The following LEPROT variants were observed in gnomAD, a reference collection of about 807,000 sequenced individuals.
The protein encoded by LEPROT is leptin receptor overlapping transcript.
Under a neutral mutation model 15.4 loss-of-function variants are expected in LEPROT, and 3 were observed. The ratio of observed to expected loss-of-function variants is 0.19; its 90% CI spans 0.09 to 0.50. The LOEUF is 0.50. LEPROT is among the 20% of genes least tolerant of loss of function. LEPROT has a pLI of 0.97. For missense variants in LEPROT, 137 were observed against 162.2 expected, an observed-to-expected ratio of 0.84 and a Z score of 0.84; for synonymous variants, 59 against 57.5, an observed-to-expected ratio of 1.03 and a Z score of -0.12.
At position 65,434,023 on chromosome 1, in the gene LEPROT, C is replaced by T. The variant is rs1646524134; in HGVS notation, c.*2104C>T. On this transcript the variant is annotated 3_prime_UTR_variant, in exon 4 of 4. Transcript: ENST00000371065. ...AATGATTCATTTCTACTACATTTTGCAAAAGTGTTTTTGTTGCTTATACAC... is the reference window on the plus strand; with the variant it reads ...AATGATTCATTTCTACTACATTTTGTAAAAGTGTTTTTGTTGCTTATACAC... 2.0e-6 allele frequency: 2 copies of T among 985,178 alleles called. No individual in the cohort carries two copies. The highest frequency in any genetic ancestry group is 3.5e-5 in the African/African-American group (2 of 57,212). The allele number at this position is 985,178 out of a possible 1,614,324, so 61.0% of individuals were successfully genotyped here. A position where few individuals can be genotyped will look rare whatever the true frequency, so the allele number is the denominator to read the frequency against.
intron 2 of LEPROT, 113 bp from the exon 3 acceptor site, chr1:65,429,749 A>T: frequency 3.2e-6 from 3 of 926,402 alleles, no homozygotes; most frequent in Non-Finnish European, 4.6e-6. Context: ...CAATTAATTA[A>T]TTTTTTGACC....
At chr1:65,421,373 G>A (rs1442596672) in intron 1 of LEPROT, 2 of 1,536,052 alleles carry the variant, frequency 1.3e-6, no homozygotes, top group East Asian at 2.4e-5. Context: ...GCATGGGGCA[G>A]TTGGTAAAAA....
rs1240462980 is a variant in LEPROT at position 65,432,560 on chromosome 1, T to A, written c.*641T>A. The A allele has an allele frequency of 5.5e-6, 5 of 910,460 alleles. No homozygotes were observed. Among genetic ancestry groups the A allele is most frequent in the Non-Finnish European group, 6.5e-6 (5 of 770,954 alleles). 56.4% of individuals were successfully genotyped at this position (910,460 alleles called of 1,614,324 possible). ...AACCTCTCTGGGTGTTACCTGCTCA[T>A]TTGTTTAAAAAAAAAAAAAAAGTCT... On this transcript the variant is annotated 3_prime_UTR_variant, in exon 4 of 4. Coordinates refer to ENST00000371065, the MANE Select transcript of LEPROT (RefSeq NM_017526.5).
chr1:65,432,645 C>T lies in LEPROT; in HGVS notation c.*726C>T. The stretch of plus-strand genomic sequence containing the variant: ...TCAAGCCTATAATATTTAGGCAGTT[C>T]CTCAAATTTATGAAAAGTGTTCTCA... On this transcript the variant is annotated 3_prime_UTR_variant, in exon 4 of 4. Transcript: ENST00000371065. The T allele has an allele frequency of 2.0e-6, 2 of 984,426 alleles. No individual in the cohort carries two copies. The highest frequency in any genetic ancestry group is 2.4e-6 in the Non-Finnish European group (2 of 829,578). 61.0% of individuals were successfully genotyped at this position (984,426 alleles called of 1,614,324 possible).
chr1:65,424,751 T>C (rs1646324762), intron 1 of LEPROT, among the ~76,000 whole-genome samples: 1 of 152,198 alleles, frequency 6.6e-6, no homozygotes, highest in Admixed American at 6.5e-5. Flanking sequence ...TGCTCTCACA[T>C]TGGAGAACAG....
In LEPROT at chr1:65,435,627, A is replaced by C; in HGVS notation, c.*3708A>C. 8.5e-6 allele frequency: 8 copies of C among 940,882 alleles called. No individual in the cohort carries two copies. The highest frequency in any genetic ancestry group is 8.9e-6 in the Non-Finnish European group (7 of 789,418). 58.3% of individuals were successfully genotyped at this position (940,882 alleles called of 1,614,324 possible). A position where few individuals can be genotyped will look rare whatever the true frequency, so the allele number is the denominator to read the frequency against. Reference sequence around the variant, plus strand: ...CATGATCCGCCCGCCTCTGCCTCCCAAAGTGCTGGGATTACAGGCCTGAGC... The same window carrying C: ...CATGATCCGCCCGCCTCTGCCTCCCCAAGTGCTGGGATTACAGGCCTGAGC... On this transcript the variant is annotated 3_prime_UTR_variant, in exon 4 of 4. Coordinates refer to ENST00000371065, the MANE Select transcript of LEPROT (RefSeq NM_017526.5).
rs553726985 is a variant in LEPROT at position 65,433,855 on chromosome 1, C to T, written c.*1936C>T. The T allele has an allele frequency of 6.2e-5, 61 of 985,036 alleles. No homozygotes were observed. The highest frequency in any genetic ancestry group is 7.1e-5 in the Non-Finnish European group (59 of 829,784). 61.0% of individuals were successfully genotyped at this position (985,036 alleles called of 1,614,324 possible). A position where few individuals can be genotyped will look rare whatever the true frequency, so the allele number is the denominator to read the frequency against. ...GATGTTGCCTTGCCTGAAAAGATAA[C>T]AAAAATGAGAGAATTTCTTGATGTT... On this transcript the variant is annotated 3_prime_UTR_variant, in exon 4 of 4. Transcript: ENST00000371065.
rs1646542297 is a variant in LEPROT, at chr1:65,435,238, T to G, written c.*3319T>G. On this transcript the variant is annotated 3_prime_UTR_variant, in exon 4 of 4. Transcript: ENST00000371065. ...GATTTTTCTTACTGTCCTAAGGAAG[T>G]CCTTACCTCTGAGGTATCTCCTCAA... 3.0e-6 allele frequency: 3 copies of G among 985,206 alleles called. No homozygotes were observed. The highest frequency in any genetic ancestry group is 3.6e-6 in the Non-Finnish European group (3 of 829,828). 61.0% of individuals were successfully genotyped at this position (985,206 alleles called of 1,614,324 possible).
At chr1:65,430,356 TG>T (rs1474857082) in intron 3 of LEPROT, 14 of 212,186 alleles carry the variant, frequency 6.6e-5, no homozygotes, top group Admixed American at 6.4e-4. Context: ...ACAGATACTA[TG>T]CTAGCAGTAC....
Position 65,433,080 on chromosome 1 carries a change from C to T in LEPROT, c.*1161C>T. The T allele has an allele frequency of 1.0e-6, 1 of 985,300 alleles. No individual in the cohort carries two copies. Among genetic ancestry groups the T allele is most frequent in the Non-Finnish European group, 1.2e-6 (1 of 829,820 alleles). The allele number at this position is 985,300 out of a possible 1,614,324, so 61.0% of individuals were successfully genotyped here. On this transcript the variant is annotated 3_prime_UTR_variant, in exon 4 of 4. Transcript: ENST00000371065. Reference sequence around the variant, plus strand: ...AGGGAGGCTGGGCTCGAGCCAGCCCCTGCGTTAGCAGGAGGGGGAGAACAG... The same window carrying T: ...AGGGAGGCTGGGCTCGAGCCAGCCCTTGCGTTAGCAGGAGGGGGAGAACAG...
chr1:65,423,073 A>G (rs1646284588), intron 1 of LEPROT, among the ~76,000 whole-genome samples: 1 of 152,192 alleles, frequency 6.6e-6, no homozygotes, highest in Admixed American at 6.5e-5. Context: ...CCTCTAAGAT[A>G]GGACCTTTAA....
Position 65,428,821 on chromosome 1 carries a change from C to T in LEPROT, c.93-1041C>T, listed in dbSNP as rs562046276. Among the ~76,000 whole-genome samples, 11 of 151,828 alleles carry T rather than the reference C, an allele frequency of 7.2e-5. No homozygotes were observed. In the South Asian group the frequency reaches 1.9e-3, roughly 26 times the overall value. On this transcript the variant is annotated intron_variant, in intron 2 of 3. Coordinates refer to ENST00000371065, the MANE Select transcript of LEPROT (RefSeq NM_017526.5). The stretch of plus-strand genomic sequence containing the variant: ...CTGATAGAGAAAATACTGTTGGAAA[C>T]CAGATGGCAATTTTTTTTTTATAAT...
rs578009366 is a variant in LEPROT at position 65,430,149 on chromosome 1, C to T, written c.279+101C>T. 5.3e-4 allele frequency: 551 copies of T among 1,037,216 alleles called. 5 individuals carry two copies. Among genetic ancestry groups the T allele is most frequent in the Middle Eastern group, 4.5e-4 (2 of 4,428 alleles). 64.3% of individuals were successfully genotyped at this position (1,037,216 alleles called of 1,614,324 possible). ...TCATGCTCATTACTTAGGCTTTATA[C>T]TCAAGGCCGTGTGTTTTTAGTTTCT... On this transcript the variant is annotated intron_variant, in intron 3 of 3. Transcript: ENST00000371065.
In LEPROT at chr1:65,432,714, A is replaced by G; in HGVS notation, c.*795A>G. ...AGGGTACAAAGCCTCAGTTAGGAGG[A>G]ATAAGTGTGATTTTTTTTTAAAGAT... is the stretch of plus-strand genomic sequence containing the variant. On this transcript the variant is annotated 3_prime_UTR_variant, in exon 4 of 4. Coordinates refer to ENST00000371065, the MANE Select transcript of LEPROT (RefSeq NM_017526.5). 1 of 844,342 alleles carries G rather than the reference A, an allele frequency of 1.2e-6. No homozygotes were observed. The highest frequency in any genetic ancestry group is 1.4e-6 in the Non-Finnish European group (1 of 701,446). The allele number at this position is 844,342 out of a possible 1,614,324, so 52.3% of individuals were successfully genotyped here. A position where few individuals can be genotyped will look rare whatever the true frequency, so the allele number is the denominator to read the frequency against.
intron 3 of LEPROT, among the ~76,000 whole-genome samples, chr1:65,431,506 T>A (rs1281063395): frequency 1.3e-5 from 2 of 152,258 alleles, no homozygotes; most frequent in Non-Finnish European, 2.9e-5. Flanking sequence ...GTAATTGCAC[T>A]ATTTATAATC....
At chr1:65,421,402 T>C (rs1255660541) in intron 1 of LEPROT, 1 of 1,536,140 alleles carries the variant, frequency 6.5e-7, no homozygotes, top group East Asian at 2.4e-5. Context: ...CCCTTATCTG[T>C]ATGGCTTCAG....
At chr1:65,426,457 A>G (rs958222116) in intron 2 of LEPROT, among the ~76,000 whole-genome samples, 1 of 152,122 alleles carries the variant, frequency 6.6e-6, no homozygotes, top group Non-Finnish European at 1.5e-5. Flanking sequence ...TTATGTTAAA[A>G]TGTCATTCTT....
At chr1:65,427,619 G>T (rs1455206399) in intron 2 of LEPROT, among the ~76,000 whole-genome samples, 2 of 152,168 alleles carry the variant, frequency 1.3e-5, no homozygotes, top group Admixed American at 6.5e-5. Context: ...CTCATGTTCT[G>T]ACGCCCTTGA....
At position 65,433,871 on chromosome 1, in the gene LEPROT, T is replaced by C. The variant is rs570530171; in HGVS notation, c.*1952T>C. 2.0e-6 allele frequency: 2 copies of C among 985,368 alleles called. No individual in the cohort carries two copies. The highest frequency in any genetic ancestry group is 9.4e-5 in the South Asian group (2 of 21,286). 61.0% of individuals were successfully genotyped at this position (985,368 alleles called of 1,614,324 possible). ...AAAAGATAACAAAAATGAGAGAATT[T>C]CTTGATGTTTTAAAATGGGCAGTTT... On this transcript the variant is annotated 3_prime_UTR_variant, in exon 4 of 4. Transcript: ENST00000371065.
Sources: gnomAD v4.1 joint callset for allele counts (sites outside exome capture counted in the v4.1 genomes callset) on GRCh38, gnomAD v4.1.1 for gene constraint, MANE v1.5 for transcripts, NCBI Gene and HGNC (gene_info 2026-07-23, HGNC 2026-07-21) for gene names.